The following KDELR2 variants were observed in gnomAD, a reference collection of about 807,000 sequenced individuals.
KDELR2 encodes the protein KDEL endoplasmic reticulum protein retention receptor 2.
KDELR2 carries 15 observed loss-of-function variants against 23.9 expected under a neutral mutation model. That is an observed-to-expected ratio of 0.63 (90% CI 0.42 to 0.97). The LOEUF is 0.97. Ranked by LOEUF, KDELR2 falls within the 50% of genes least tolerant of loss-of-function variation. The pLI, the probability that KDELR2 is intolerant of heterozygous loss-of-function variation, is 0.00. For missense variants in KDELR2, 272 were observed against 254.6 expected, an observed-to-expected ratio of 1.07 and a Z score of -0.46; for synonymous variants, 119 against 106.2, an observed-to-expected ratio of 1.12 and a Z score of -0.74.
At chr7:6,480,920 A>G (rs1785874158) in intron 1 of KDELR2, among the ~76,000 whole-genome samples, 1 of 152,226 alleles carries the variant, frequency 6.6e-6, no homozygotes, top group African/African-American at 2.4e-5. Context: ...CCTAAGTCTG[A>G]GAACAAGAAC....
intron 1 of KDELR2, among the ~76,000 whole-genome samples, chr7:6,480,022 C>A (rs2115334346): frequency 6.6e-6 from 1 of 152,286 alleles, no homozygotes; most frequent in South Asian, 2.1e-4. Context: ...GTATGGACAC[C>A]ATAAGATCCA....
chr7:6,466,225 G>A lies in KDELR2; in HGVS notation c.450C>T (p.His150=). The change falls in exon 4 of 5, where the codon CAC becomes CAT. Residue 150 remains histidine, a synonymous_variant. Coordinates refer to ENST00000258739, the MANE Select transcript of KDELR2 (RefSeq NM_006854.4). ...KTGEAETITT[H]YLFFLGLYRA... Reference sequence around the variant, plus strand: ...GATAGAGGCCCAGGAAGAACAGGTAGTGGGTGGTGATGGTCTCGGCCTCCC... The same window carrying A: ...GATAGAGGCCCAGGAAGAACAGGTAATGGGTGGTGATGGTCTCGGCCTCCC... 1.2e-6 allele frequency: 2 copies of A among 1,614,192 alleles called. No individual in the cohort carries two copies. The highest frequency in any genetic ancestry group is 1.1e-5 in the South Asian group (1 of 91,074).
At chr7:6,471,904 CTT>C (rs11324108) in intron 2 of KDELR2, among the ~76,000 whole-genome samples, 332 of 143,768 alleles carry the variant, frequency 2.3e-3, no homozygotes, top group African/African-American at 2.8e-3. Flanking sequence ...GTAAGTTTAA[CTT>C]TTTTTTTTTT....
intron 2 of KDELR2, among the ~76,000 whole-genome samples, chr7:6,470,797 C>T (rs1785616485): frequency 6.6e-6 from 1 of 152,086 alleles, no homozygotes; most frequent in Non-Finnish European, 1.5e-5. Context: ...AATTATGTTG[C>T]TTTTATTAAT....
intron 1 of KDELR2, among the ~76,000 whole-genome samples, chr7:6,477,488 C>T (rs1303235969): frequency 1.3e-5 from 2 of 152,106 alleles, no homozygotes; most frequent in African/African-American, 4.8e-5. Flanking sequence ...GCTAAGGTTA[C>T]CAGGTAATAA....
Position 6,484,044 on chromosome 7 carries a change from C to G in KDELR2, c.14G>C (p.Arg5Pro). The change falls in exon 1 of 5, where the codon CGG becomes CCG. Residue 5 changes from arginine to proline, a missense_variant. Coordinates refer to ENST00000258739, the MANE Select transcript of KDELR2 (RefSeq NM_006854.4). Reference protein sequence around the residue: MNIFRLTGDLSHLAA... With the variant: MNIFPLTGDLSHLAA... ...CAGGTGGGACAGGTCCCCAGTCAGC[C>G]GGAAAATGTTCATGGCGGCGGCGGC... 1 of 1,519,294 alleles carries G rather than the reference C, an allele frequency of 6.6e-7. No individual in the cohort carries two copies. Among genetic ancestry groups the G allele is most frequent in the Non-Finnish European group, 8.8e-7 (1 of 1,130,690 alleles). The allele number at this position is 1,519,294 out of a possible 1,614,324, so 94.1% of individuals were successfully genotyped here.
At chr7:6,482,522 G>C (rs1243001215) in intron 1 of KDELR2, 3 of 469,254 alleles carry the variant, frequency 6.4e-6, no homozygotes, top group Admixed American at 4.8e-5. Context: ...CATCTTAACT[G>C]TTCAAAGGTC....
intron 4 of KDELR2, among the ~76,000 whole-genome samples, chr7:6,464,429 G>C (rs1270110001): frequency 6.6e-6 from 1 of 152,012 alleles, no homozygotes; most frequent in Non-Finnish European, 1.5e-5. Context: ...CAAGGCACGA[G>C]AATCACTTGA....
At chr7:6,469,239 A>T (rs951490366) in intron 3 of KDELR2, among the ~76,000 whole-genome samples, 1 of 152,058 alleles carries the variant, frequency 6.6e-6, no homozygotes, top group Non-Finnish European at 1.5e-5. Context: ...GGCGTGAGCC[A>T]CTACGCCCAG....
At chr7:6,472,897 CTTTTT>C (rs35369447) in intron 2 of KDELR2, among the ~76,000 whole-genome samples, 1 of 111,222 alleles carries the variant, frequency 9.0e-6, no homozygotes, top group African/African-American at 3.4e-5. Context: ...AGCCCCTGTT[CTTTTT>C]TTTTTTTTTT....
At chr7:6,481,163 G>A (rs1785880921) in intron 1 of KDELR2, among the ~76,000 whole-genome samples, 1 of 152,116 alleles carries the variant, frequency 6.6e-6, no homozygotes, top group Non-Finnish European at 1.5e-5. Context: ...GAGGTCAGGA[G>A]ACCGAGACCA....
intron 4 of KDELR2, 75 bp from the exon 5 acceptor site, chr7:6,463,250 C>G (rs1785426584): frequency 8.7e-7 from 1 of 1,150,668 alleles, no homozygotes; most frequent in Admixed American, 2.0e-5. Flanking sequence ...CTTCCCATTC[C>G]TAGAAGTCTC....
chr7:6,479,511 T>G (rs1785839564), intron 1 of KDELR2, among the ~76,000 whole-genome samples: 1 of 152,100 alleles, frequency 6.6e-6, no homozygotes, highest in Non-Finnish European at 1.5e-5. Context: ...GGAGTCTCCC[T>G]CTGTCACCCA....
At chr7:6,481,472 G>C (rs187309365) in intron 1 of KDELR2, among the ~76,000 whole-genome samples, 1 of 152,202 alleles carries the variant, frequency 6.6e-6, no homozygotes, top group African/African-American at 2.4e-5. Flanking sequence ...ACACTTCAAG[G>C]CTTAATGATT....
rs116404165 is a variant in KDELR2, at chr7:6,472,700, C to T, written c.192+1484G>A. 7.3e-3 allele frequency among the ~76,000 whole-genome samples: 1,104 copies of T among 152,238 alleles called. 10 individuals carry two copies. Among genetic ancestry groups the T allele is most frequent in the African/African-American group, 0.025 (1,055 of 41,538 alleles). On this transcript the variant is annotated intron_variant, in intron 2 of 4. Coordinates refer to ENST00000258739, the MANE Select transcript of KDELR2 (RefSeq NM_006854.4). ...CCTTTCAACAGTGCTTATGAAAATG[C>T]TCTTGAACACAAAATGTTGGGGGGA...
chr7:6,479,243 G>C (rs1316208012), intron 1 of KDELR2, among the ~76,000 whole-genome samples: 1 of 150,732 alleles, frequency 6.6e-6, no homozygotes, highest in Non-Finnish European at 1.5e-5. Context: ...CTGCAACCTC[G>C]ACTTCCTGGG....
chr7:6,461,874 C>G lies in KDELR2; in HGVS notation c.*1267G>C, dbSNP rs192693109. On this transcript the variant is annotated 3_prime_UTR_variant, in exon 5 of 5. Coordinates refer to ENST00000258739, the MANE Select transcript of KDELR2 (RefSeq NM_006854.4). ...TAATGGCAAAATCAGGAAAAAAATT[C>G]TAGTATTTCCACAAAATACATAATG... 2.0e-5 allele frequency: 3 copies of G among 152,088 alleles called. No individual in the cohort carries two copies. In the East Asian group the frequency reaches 5.8e-4, roughly 29 times the overall value. The allele number at this position is 152,088 out of a possible 1,614,324, so 9.4% of individuals were successfully genotyped here. A position where few individuals can be genotyped will look rare whatever the true frequency, so the allele number is the denominator to read the frequency against.
intron 1 of KDELR2, 140 bp from the exon 2 acceptor site, chr7:6,474,424 A>G: frequency 1.6e-6 from 1 of 611,218 alleles, no homozygotes; most frequent in East Asian, 2.7e-5. Context: ...CTGAATGAAC[A>G]AGAGCAGTTG....
At position 6,462,529 on chromosome 7, in the gene KDELR2, G is replaced by A. The variant is rs1276428202; in HGVS notation, c.*612C>T. 1.3e-5 allele frequency: 2 copies of A among 159,230 alleles called. No homozygotes were observed. Among genetic ancestry groups the A allele is most frequent in the Non-Finnish European group, 2.8e-5 (2 of 72,716 alleles). The allele number at this position is 159,230 out of a possible 1,614,324, so 9.9% of individuals were successfully genotyped here. On this transcript the variant is annotated 3_prime_UTR_variant, in exon 5 of 5. Coordinates refer to ENST00000258739, the MANE Select transcript of KDELR2 (RefSeq NM_006854.4). ...CGACATTCAGAATCTTAAAATGTTG[G>A]TAATGAAAACCATGGACCTCCAAGT...
Sources: gnomAD v4.1 joint callset for allele counts (sites outside exome capture counted in the v4.1 genomes callset) on GRCh38, gnomAD v4.1.1 for gene constraint, MANE v1.5 for transcripts, NCBI Gene and HGNC (gene_info 2026-07-23, HGNC 2026-07-21) for gene names.